The following ADARB2 variants were observed in gnomAD, a reference collection of about 807,000 sequenced individuals.
The protein encoded by ADARB2 is adenosine deaminase RNA specific B2 (inactive).
Under a neutral mutation model 62.2 loss-of-function variants are expected in ADARB2, and 25 were observed. The observed-to-expected ratio is 0.40, with a 90% CI of 0.29 to 0.56. The LOEUF (loss-of-function observed/expected upper bound fraction) is 0.56. ADARB2 is among the 20% of genes least tolerant of loss of function. The pLI is 0.43. For synonymous variants in ADARB2, 572 were observed against 500.8 expected (o/e 1.14, Z -1.90); for missense variants, 1,071 against 1,077.4 (o/e 0.99, Z 0.08).
At chr10:1,645,761 C>A (rs1564356866) in intron 1 of ADARB2, among the ~76,000 whole-genome samples, 1 of 146,212 alleles carries the variant, frequency 6.8e-6, no homozygotes, top group African/African-American at 2.5e-5. Context: ...TGTTGAGCTG[C>A]CCCCTCTGCC....
chr10:1,424,481 A>G (rs1397671154), intron 1 of ADARB2, among the ~76,000 whole-genome samples: 1 of 152,060 alleles, frequency 6.6e-6, no homozygotes, highest in Non-Finnish European at 1.5e-5. Context: ...ATTCTCGCGG[A>G]TATTTACAAA....
intron 1 of ADARB2, among the ~76,000 whole-genome samples, chr10:1,601,740 G>A (rs1229907068): frequency 6.6e-6 from 1 of 152,200 alleles, no homozygotes; most frequent in East Asian, 1.9e-4. Context: ...AGCATCAGCC[G>A]CTGCGGTCTG....
intron 1 of ADARB2, among the ~76,000 whole-genome samples, chr10:1,611,244 C>T (rs968414552): frequency 8.5e-5 from 13 of 152,116 alleles, no homozygotes; most frequent in Non-Finnish European, 1.3e-4. Context: ...TTCCAGCGGC[C>T]GATCTTTCTT....
chr10:1,185,189 G>A (rs1197116028), intron 8 of ADARB2, 150 bp from the exon 9 acceptor site: 11 of 1,074,280 alleles, frequency 1.0e-5, no homozygotes, highest in East Asian at 5.5e-5. Flanking sequence ...CGTGTCACCC[G>A]CAGGGCGGAG....
chr10:1,224,847 G>T (rs904710170), intron 6 of ADARB2, among the ~76,000 whole-genome samples: 1 of 152,166 alleles, frequency 6.6e-6, no homozygotes, highest in African/African-American at 2.4e-5. Flanking sequence ...TATGTGGTCA[G>T]TTTTGGAGTA....
At chr10:1,429,472 G>C (rs569714257) in intron 1 of ADARB2, among the ~76,000 whole-genome samples, 146 of 152,306 alleles carry the variant, frequency 9.6e-4, no homozygotes, top group African/African-American at 3.4e-3. Context: ...ACTCCGTAAA[G>C]AGAATATGGT....
intron 1 of ADARB2, among the ~76,000 whole-genome samples, chr10:1,479,282 G>T (rs978572561): frequency 6.6e-6 from 1 of 152,222 alleles, no homozygotes; most frequent in South Asian, 2.1e-4. Flanking sequence ...CAGCAGCCAC[G>T]TGGAGCAGGA....
At chr10:1,267,433 A>C (rs537082669) in intron 4 of ADARB2, among the ~76,000 whole-genome samples, 3 of 152,202 alleles carry the variant, frequency 2.0e-5, no homozygotes, top group Non-Finnish European at 4.4e-5. Flanking sequence ...GGAGGAAGAC[A>C]ATGATTCCGG....
At chr10:1,213,299 A>G (rs533649958) in intron 7 of ADARB2, among the ~76,000 whole-genome samples, 5 of 152,136 alleles carry the variant, frequency 3.3e-5, no homozygotes, top group Non-Finnish European at 5.9e-5. Context: ...AGAGAGACAG[A>G]GGGAGAGACA....
At chr10:1,232,592 GTA>G (rs1166579626) in intron 6 of ADARB2, among the ~76,000 whole-genome samples, 1 of 124,382 alleles carries the variant, frequency 8.0e-6, no homozygotes, top group East Asian at 3.1e-4. Flanking sequence ...TATGCATGTG[GTA>G]TATGTGGTAT....
At chr10:1,647,759 TTGTG>T (rs1307129421) in intron 1 of ADARB2, among the ~76,000 whole-genome samples, 3 of 151,904 alleles carry the variant, frequency 2.0e-5, no homozygotes, top group Admixed American at 2.0e-4. Context: ...TGTGTATATG[TTGTG>T]TATGTGTGGT....
intron 7 of ADARB2, chr10:1,215,811 A>T (rs1199333177): frequency 6.6e-6 from 1 of 152,188 alleles, no homozygotes; most frequent in Non-Finnish European, 1.5e-5. Flanking sequence ...CTATTTTCCA[A>T]ACCAAAGTTA....
intron 4 of ADARB2, among the ~76,000 whole-genome samples, chr10:1,251,714 T>C (rs1322182722): frequency 6.6e-6 from 1 of 152,194 alleles, no homozygotes; most frequent in Non-Finnish European, 1.5e-5. Flanking sequence ...TGTGGTGGTA[T>C]TAAAAGGTGG....
intron 1 of ADARB2, among the ~76,000 whole-genome samples, chr10:1,660,155 C>T (rs1262383770): frequency 1.3e-5 from 2 of 152,260 alleles, no homozygotes; most frequent in Non-Finnish European, 2.9e-5. Flanking sequence ...CCTCCATCGC[C>T]CCCTTCCAGT....
chr10:1,486,684 G>A (rs575170453), intron 1 of ADARB2, among the ~76,000 whole-genome samples: 5 of 152,240 alleles, frequency 3.3e-5, no homozygotes, highest in Admixed American at 6.5e-5. Flanking sequence ...AAGAAACGAC[G>A]GCCAGCCATC....
chr10:1,498,240 G>A (rs921216173), intron 1 of ADARB2, among the ~76,000 whole-genome samples: 2 of 152,036 alleles, frequency 1.3e-5, no homozygotes, highest in African/African-American at 4.8e-5. Context: ...CAGGCATGGT[G>A]GCAGATGCCT....
chr10:1,359,684 T>C (rs1210037252), intron 3 of ADARB2, among the ~76,000 whole-genome samples: 2 of 152,196 alleles, frequency 1.3e-5, no homozygotes, highest in African/African-American at 2.4e-5. Context: ...CCCTGCTTCC[T>C]GCGAGCTGTC....
intron 7 of ADARB2, among the ~76,000 whole-genome samples, chr10:1,215,352 C>T (rs1837219730): frequency 6.6e-6 from 1 of 152,234 alleles, no homozygotes; most frequent in Non-Finnish European, 1.5e-5. Context: ...TCCCTTCTCT[C>T]CGTTCTCTCC....
chr10:1,663,402 C>T (rs1834273714), intron 1 of ADARB2, among the ~76,000 whole-genome samples: 2 of 152,204 alleles, frequency 1.3e-5, no homozygotes, highest in Admixed American at 6.5e-5. Flanking sequence ...CTACAGAGCG[C>T]TGCCACTCCC....
Sources: allele counts gnomAD v4.1 joint callset (sites outside exome capture counted in the v4.1 genomes callset), GRCh38; gene constraint gnomAD v4.1.1; transcripts MANE v1.5; gene names NCBI Gene and HGNC (gene_info 2026-07-23, HGNC 2026-07-21).